Variants in SUSD4 observed in about 807,000 individuals in gnomAD.
SUSD4 encodes sushi domain containing 4, also known as sushi domain-containing protein 4.
SUSD4 carries 41 observed loss-of-function variants against 50.5 expected under a neutral mutation model. The ratio of observed to expected loss-of-function variants is 0.81; its 90% CI spans 0.63 to 1.05. The LOEUF (loss-of-function observed/expected upper bound fraction) is 1.05. SUSD4 is among the 50% of genes least tolerant of loss of function. The pLI is 0.00. For synonymous variants in SUSD4, 257 were observed against 257.3 expected (o/e 1.00, Z 0.01); for missense variants, 580 against 634.7 (o/e 0.91, Z 0.93).
chr1:223,264,115 G>A (rs1662312483), intron 5 of SUSD4: 1 of 985,274 alleles, frequency 1.0e-6, no homozygotes, highest in Non-Finnish European at 1.2e-6. Flanking sequence ...CTGATTAGTG[G>A]TCTTTCGTGA....
intron 2 of SUSD4, among the ~76,000 whole-genome samples, chr1:223,306,119 T>C (rs1397111690): frequency 6.6e-6 from 1 of 152,200 alleles, no homozygotes; most frequent in East Asian, 1.9e-4. Flanking sequence ...CCCCATTTGA[T>C]GCCAGAACTG....
chr1:223,363,188 G>A (rs1472605914), intron 2 of SUSD4, 90 bp downstream of exon 2: 16 of 1,334,208 alleles, frequency 1.2e-5, no homozygotes, highest in Middle Eastern at 4.9e-4. Flanking sequence ...CTGGGTGTAT[G>A]GGGGAGGGGT....
chr1:223,221,971 T>A lies in SUSD4; in HGVS notation c.*221A>T. ...CGCGAGGGCTTCCCTGCTGCCCCGGTTCCCCATGGGTCTTGGTGAATCCTC... is the reference window on the plus strand; with the variant it reads ...CGCGAGGGCTTCCCTGCTGCCCCGGATCCCCATGGGTCTTGGTGAATCCTC... On this transcript the variant is annotated 3_prime_UTR_variant, in exon 9 of 9. Coordinates refer to ENST00000366878, the MANE Select transcript of SUSD4 (RefSeq NM_017982.4). 2.0e-6 allele frequency: 1 copy of A among 508,602 alleles called. No individual in the cohort carries two copies. Among genetic ancestry groups the A allele is most frequent in the East Asian group, 3.2e-5 (1 of 31,418 alleles). The allele number at this position is 508,602 out of a possible 1,614,324, so 31.5% of individuals were successfully genotyped here. A position where few individuals can be genotyped will look rare whatever the true frequency, so the allele number is the denominator to read the frequency against.
intron 2 of SUSD4, among the ~76,000 whole-genome samples, chr1:223,307,861 C>A (rs1041420929): frequency 6.6e-6 from 1 of 152,104 alleles, no homozygotes; most frequent in Non-Finnish European, 1.5e-5. Context: ...TGAGGAAAAT[C>A]TTGCTCCTAT....
rs1014800139 is a variant in SUSD4, at chr1:223,332,047, G to A, written c.148+31231C>T. ...ATTTCTGGAGGGCTTCCTTGAACCCGTGCAGAGAAAGCTGAGTGATGGGGC... is the reference window on the plus strand; with the variant it reads ...ATTTCTGGAGGGCTTCCTTGAACCCATGCAGAGAAAGCTGAGTGATGGGGC... On this transcript the variant is annotated intron_variant, in intron 2 of 8. Transcript: ENST00000366878. This position sits in a 1 kb window ranked among gnomAD's most constrained non-coding sequence, Gnocchi z 4.0. Among the ~76,000 whole-genome samples, 4 of 152,140 alleles carry A rather than the reference G, an allele frequency of 2.6e-5. No individual in the cohort carries two copies. Among genetic ancestry groups the A allele is most frequent in the East Asian group, 3.8e-4 (2 of 5,196 alleles).
chr1:223,352,933 C>A (rs1518042), intron 2 of SUSD4, among the ~76,000 whole-genome samples: 3 of 151,860 alleles, frequency 2.0e-5, no homozygotes, highest in Admixed American at 2.0e-4. Flanking sequence ...CATGGAGCAC[C>A]TCCCTCCCTC....
chr1:223,357,240 CTTG>C lies in SUSD4; in HGVS notation c.148+6035_148+6037del, dbSNP rs777773332. 1.2e-3 allele frequency among the ~76,000 whole-genome samples: 179 copies of C among 152,312 alleles called. 2 individuals carry two copies. Among genetic ancestry groups the C allele is most frequent in the Middle Eastern group, 3.4e-3 (1 of 294 alleles). On this transcript the variant is annotated intron_variant, in intron 2 of 8. Coordinates refer to ENST00000366878, the MANE Select transcript of SUSD4 (RefSeq NM_017982.4). ...ACTTTGTCTTGGGTTGTGGGATTTT[CTTG>C]TTGTTGTGTTGATTTGTTTATATGT... is the stretch of plus-strand genomic sequence containing the variant.
At chr1:223,337,983 A>C (rs1328248582) in intron 2 of SUSD4, among the ~76,000 whole-genome samples, 1 of 152,238 alleles carries the variant, frequency 6.6e-6, no homozygotes, top group Admixed American at 6.5e-5. Flanking sequence ...CTAGGGAATA[A>C]TTGAGCTATT....
intron 2 of SUSD4, among the ~76,000 whole-genome samples, chr1:223,296,383 G>A (rs934486210): frequency 2.0e-5 from 3 of 152,168 alleles, no homozygotes; most frequent in Non-Finnish European, 4.4e-5. Flanking sequence ...TGGGCCTAGG[G>A]AGAAGGGGGA....
chr1:223,361,836 G>T (rs527637345), intron 2 of SUSD4, among the ~76,000 whole-genome samples: 5 of 152,168 alleles, frequency 3.3e-5, no homozygotes, highest in African/African-American at 1.2e-4. Flanking sequence ...CCAGATCCAC[G>T]CAATACTGTT....
chr1:223,301,397 G>A (rs368276192), intron 2 of SUSD4, among the ~76,000 whole-genome samples: 41 of 152,232 alleles, frequency 2.7e-4, no homozygotes, highest in African/African-American at 9.6e-4. Flanking sequence ...ACATTCCTGG[G>A]GATGAAAGGT....
intron 5 of SUSD4, chr1:223,264,292 T>C (rs1010701126): frequency 6.2e-5 from 63 of 1,023,278 alleles, no homozygotes; most frequent in Non-Finnish European, 6.8e-5. Context: ...GTAAGATTAA[T>C]GACATGATAC....
intron 2 of SUSD4, among the ~76,000 whole-genome samples, chr1:223,307,262 G>GT (rs938982196): frequency 3.9e-5 from 6 of 152,156 alleles, no homozygotes; most frequent in African/African-American, 1.4e-4. Flanking sequence ...GCTATTTGTT[G>GT]TTTTTTATGA....
chr1:223,276,192 C>T (rs1386328282), intron 3 of SUSD4, among the ~76,000 whole-genome samples: 1 of 152,230 alleles, frequency 6.6e-6, no homozygotes, highest in Non-Finnish European at 1.5e-5. Context: ...CTGGGGAAAT[C>T]CCCCCAAGTC....
chr1:223,273,466 G>A (rs1663052186), intron 3 of SUSD4, among the ~76,000 whole-genome samples: 1 of 152,244 alleles, frequency 6.6e-6, no homozygotes. Flanking sequence ...CTTGAGATGA[G>A]TGTCTTTGTT....
chr1:223,223,282 C>T lies in SUSD4; in HGVS notation c.1411G>A (p.Ala471Thr). Residue 471 changes from alanine (A) to threonine (T), a missense_variant, in exon 8 of 9, where the codon GCA becomes ACA. Coordinates refer to ENST00000366878, the MANE Select transcript of SUSD4 (RefSeq NM_017982.4). ...ATGTCGATGCCTGGGCTGGTGGATG[C>T]CACCTCCTCTGCCGTGCTGGCAATT... Reference protein sequence around the residue: ...DIIASTAEEVASTSPGIDIAD... With the variant: ...DIIASTAEEVTSTSPGIDIAD... The T allele has an allele frequency of 3.2e-6, 5 of 1,561,392 alleles. No individual in the cohort carries two copies. Among genetic ancestry groups the T allele is most frequent in the South Asian group, 1.2e-5 (1 of 81,610 alleles).
intron 3 of SUSD4, among the ~76,000 whole-genome samples, chr1:223,275,440 G>A (rs1165784853): frequency 6.6e-6 from 1 of 152,178 alleles, no homozygotes; most frequent in African/African-American, 2.4e-5. Context: ...ACAAGGAAGT[G>A]ACAGAAAGCA....
chr1:223,295,146 T>C (rs1664741024), intron 2 of SUSD4, among the ~76,000 whole-genome samples: 1 of 152,184 alleles, frequency 6.6e-6, no homozygotes, highest in Non-Finnish European at 1.5e-5. Flanking sequence ...TGTGCCCAGA[T>C]AGCTGGGATG....
chr1:223,233,620 C>T (rs934441763), intron 5 of SUSD4, among the ~76,000 whole-genome samples: 4 of 152,152 alleles, frequency 2.6e-5, no homozygotes, highest in African/African-American at 4.8e-5. Context: ...CCATGAACAA[C>T]GGCCACATGG....
Sources: gnomAD v4.1 joint callset for allele counts (sites outside exome capture counted in the v4.1 genomes callset) on GRCh38, gnomAD v4.1.1 for gene constraint, Gnocchi (gnomAD v3.1) non-coding constraint, MANE v1.5 for transcripts, NCBI Gene and HGNC (gene_info 2026-07-23, HGNC 2026-07-21) for gene names.